DNAH6: variants seen among roughly 807,000 people sequenced by gnomAD.
The protein encoded by DNAH6 is axonemal beta dynein heavy chain 6.
In DNAH6, 340 loss-of-function variants were observed where a neutral mutation model predicts 491.4. The ratio of observed to expected loss-of-function variants is 0.69; its 90% CI spans 0.63 to 0.76. The LOEUF is 0.76. DNAH6 is among the 30% of genes least tolerant of loss of function. The probability of loss-of-function intolerance (pLI) is 0.00; values close to 1 mark genes in which losing one functional copy is unlikely to be tolerated. For missense variants in DNAH6, 4,443 were observed against 4,972.2 expected (o/e 0.89, Z 3.20); for synonymous variants, 1,603 against 1,686.1 (o/e 0.95, Z 1.21).
In DNAH6 at chr2:84,816,083, G is replaced by A. The variant is rs1320383498; in HGVS notation, c.12373G>A (p.Gly4125Arg). The A allele has an allele frequency of 6.5e-7, 1 of 1,545,564 alleles. No homozygotes were observed. The highest frequency in any genetic ancestry group is 2.4e-5 in the East Asian group (1 of 40,904). The change falls in exon 76 of 77, where the codon GGA becomes AGA. Residue 4125 changes from glycine (G) to arginine (R), a missense_variant and splice_region_variant. Physicochemically the swap from Gly to Arg is moderately radical, Grantham distance 125. Around this residue, in one of 3 missense-constraint regions of DNAH6, gnomAD observed 1,463 missense variants for 1,656.6 expected, o/e 0.88. Transcript: ENST00000389394. The stretch of plus-strand genomic sequence containing the variant: ...CCGGGCAGGAACACTCTCAACCACA[G>A]GTGAGGATGTTCTTAAGATTAGTTC... ...GARAGTLSTTGHSTNFVVTVL... is the reference protein window; with the variant it reads ...GARAGTLSTTRHSTNFVVTVL...
intron 29 of DNAH6, among the ~76,000 whole-genome samples, chr2:84,633,774 T>C (rs773232600): frequency 2.6e-5 from 4 of 151,698 alleles, no homozygotes; most frequent in Non-Finnish European, 5.9e-5. Flanking sequence ...GGTATAAGTG[T>C]GGTCACAGAA....
At chr2:84,653,277 A>G (rs770110644) in intron 33 of DNAH6, 42 bp from the exon 34 acceptor site, 5 of 1,392,200 alleles carry the variant, frequency 3.6e-6, no homozygotes, top group South Asian at 1.5e-5. Flanking sequence ...GAAAATATCA[A>G]TGACCAGTTG....
chr2:84,704,860 G>T (rs1033100680), intron 51 of DNAH6, among the ~76,000 whole-genome samples: 8 of 152,088 alleles, frequency 5.3e-5, no homozygotes, highest in Non-Finnish European at 7.4e-5. Flanking sequence ...GAACCTTTCT[G>T]TGTAAAACTA....
At chr2:84,622,771 G>GT (rs1687517631) in intron 26 of DNAH6, among the ~76,000 whole-genome samples, 1 of 152,098 alleles carries the variant, frequency 6.6e-6, no homozygotes, top group Admixed American at 6.6e-5. Flanking sequence ...CATAATGCCT[G>GT]TACCATGTTT....
intron 4 of DNAH6, among the ~76,000 whole-genome samples, chr2:84,543,394 A>G (rs1166339663): frequency 6.6e-6 from 1 of 152,184 alleles, no homozygotes; most frequent in Non-Finnish European, 1.5e-5. Context: ...CTCTCCTAAC[A>G]GAGAGAAACA....
chr2:84,673,389 C>T (rs1692930912), intron 40 of DNAH6, among the ~76,000 whole-genome samples: 1 of 152,110 alleles, frequency 6.6e-6, no homozygotes, highest in Admixed American at 6.5e-5. Flanking sequence ...AGACCAGAGG[C>T]AACTGCAGTA....
intron 16 of DNAH6, among the ~76,000 whole-genome samples, chr2:84,590,380 A>G (rs1410957691): frequency 6.6e-6 from 1 of 151,566 alleles, no homozygotes; most frequent in Admixed American, 6.6e-5. Flanking sequence ...CTGTAATCCC[A>G]GCTACTTGGG....
Position 84,697,676 on chromosome 2 carries a change from C to G in DNAH6, c.7626C>G (p.Ala2542=). The G allele has an allele frequency of 6.4e-7, 1 of 1,551,850 alleles. No homozygotes were observed. Among genetic ancestry groups the G allele is most frequent in the East Asian group, 2.4e-5 (1 of 40,918 alleles). Residue 2542 remains alanine, a synonymous_variant, in exon 47 of 77, where the codon GCC becomes GCG. Coordinates refer to ENST00000389394, the MANE Select transcript of DNAH6 (RefSeq NM_001370.2). ...ATGAACTGGAGCAGGTTTTAGCGGC[C>G]ACCAGACCAAGAGCAAAAGAAGTAG... The part of the protein sequence containing the change: ...EKDELEQVLA[A]TRPRAKEVGI...
At chr2:84,804,475 A>G (rs997564541) in intron 70 of DNAH6, among the ~76,000 whole-genome samples, 6 of 152,130 alleles carry the variant, frequency 3.9e-5, no homozygotes, top group African/African-American at 1.4e-4. Context: ...GTCCAAGTTG[A>G]AGTAAGCTAT....
At chr2:84,744,618 T>C (rs966346251) in intron 62 of DNAH6, among the ~76,000 whole-genome samples, 2 of 152,220 alleles carry the variant, frequency 1.3e-5, no homozygotes, top group African/African-American at 4.8e-5. Context: ...CTTCTACCTC[T>C]AACAGTTATT....
intron 60 of DNAH6, among the ~76,000 whole-genome samples, chr2:84,725,645 C>T (rs1029402593): frequency 9.2e-5 from 14 of 152,142 alleles, no homozygotes; most frequent in Non-Finnish European, 1.8e-4. Flanking sequence ...CCTAAAATAT[C>T]TTGGGCTGAA....
chr2:84,797,851 C>T (rs1308162322), intron 70 of DNAH6, among the ~76,000 whole-genome samples, 193 bp downstream of exon 70: 2 of 152,130 alleles, frequency 1.3e-5, no homozygotes, highest in African/African-American at 4.8e-5. Context: ...ATCCTAAGAC[C>T]ATCATGCATT....
intron 33 of DNAH6, among the ~76,000 whole-genome samples, chr2:84,644,036 A>AG (rs1226859794): frequency 1.3e-5 from 2 of 152,142 alleles, no homozygotes; most frequent in Non-Finnish European, 2.9e-5. Context: ...TAAGTAATGT[A>AG]GTGGTAAGGT....
chr2:84,738,816 C>T (rs1573656442), intron 62 of DNAH6, among the ~76,000 whole-genome samples: 1 of 152,124 alleles, frequency 6.6e-6, no homozygotes, highest in Admixed American at 6.5e-5. Context: ...TTAAGTTGAG[C>T]ATTTAGGCCA....
chr2:84,671,787 A>G (rs1009775658), intron 39 of DNAH6, among the ~76,000 whole-genome samples: 1 of 151,800 alleles, frequency 6.6e-6, no homozygotes. Flanking sequence ...CTCTGCTATC[A>G]CTCATTCCTT....
intron 72 of DNAH6, among the ~76,000 whole-genome samples, chr2:84,809,385 G>A (rs577811294): frequency 3.3e-5 from 5 of 152,256 alleles, no homozygotes; most frequent in East Asian, 1.9e-4. Flanking sequence ...CAAAGTCTCC[G>A]GAAGTTGCTG....
In DNAH6 at chr2:84,713,198, A is replaced by G; in HGVS notation, c.9482A>G (p.Tyr3161Cys). 8.4e-6 allele frequency: 13 copies of G among 1,552,102 alleles called. No individual in the cohort carries two copies. Among genetic ancestry groups the G allele is most frequent in the Admixed American group, 2.0e-5 (1 of 51,010 alleles). ...CGTCTTGGAGACTCAGACATTGATTATGACAAAAACTTTAGGTTCTATATG... is the reference window on the plus strand; with the variant it reads ...CGTCTTGGAGACTCAGACATTGATTGTGACAAAAACTTTAGGTTCTATATG... ...LIRLGDSDIDYDKNFRFYMTT... is the reference protein window; with the variant it reads ...LIRLGDSDIDCDKNFRFYMTT... The change falls in exon 57 of 77, where the codon TAT becomes TGT. Residue 3161 changes from tyrosine (Y) to cysteine (C), a missense_variant. Tyr to Cys is a radical substitution (Grantham distance 194, BLOSUM62 -2). Around this residue, in one of 3 missense-constraint regions of DNAH6, gnomAD observed 1,463 missense variants for 1,656.6 expected, o/e 0.88. Coordinates refer to ENST00000389394, the MANE Select transcript of DNAH6 (RefSeq NM_001370.2).
Position 84,701,223 on chromosome 2 carries a change from G to T in DNAH6, c.7945G>T (p.Ala2649Ser). The T allele has an allele frequency of 6.4e-7, 1 of 1,551,752 alleles. No homozygotes were observed. The highest frequency in any genetic ancestry group is 8.7e-7 in the Non-Finnish European group (1 of 1,147,012). Reference protein sequence around the residue: ...VNVHLSVSSMAERYYNELRRR... With the variant: ...VNVHLSVSSMSERYYNELRRR... Reference sequence around the variant, plus strand: ...CGTTCACTTGAGTGTCTCCAGCATGGCAGAGCGCTATTACAATGAGCTGCG... The same window carrying T: ...CGTTCACTTGAGTGTCTCCAGCATGTCAGAGCGCTATTACAATGAGCTGCG... Residue 2649 changes from alanine to serine, a missense_variant, in exon 49 of 77, where the codon GCA becomes TCA. Ala to Ser is a moderately conservative substitution (Grantham distance 99, BLOSUM62 1). Around this residue, in one of 3 missense-constraint regions of DNAH6, gnomAD observed 2,977 missense variants for 3,296.6 expected, o/e 0.90. Coordinates refer to ENST00000389394, the MANE Select transcript of DNAH6 (RefSeq NM_001370.2).
chr2:84,511,382 A>ATATAATCTCCTGGTGTGCCATTTGC, the DNAH6 span, among the ~76,000 whole-genome samples: 3 of 151,958 alleles, frequency 2.0e-5, no homozygotes, highest in Admixed American at 6.5e-5. Context: ...CATGCGCGGG[A>ATATAATCTCCTGGTGTGCCATTTGC]TATAATCTCC....
Sources: gnomAD v4.1 joint callset for allele counts (sites outside exome capture counted in the v4.1 genomes callset) on GRCh38, gnomAD v4.1.1 for gene constraint, gnomAD v4.1.1 regional missense constraint, MANE v1.5 for transcripts, NCBI Gene and HGNC (gene_info 2026-07-23, HGNC 2026-07-21) for gene names.